Variants in RAP1GAP observed in about 807,000 individuals in gnomAD.
RAP1GAP encodes RAP1 GTPase activating protein.
In RAP1GAP, 35 loss-of-function variants were observed where a neutral mutation model predicts 87.2. The ratio of observed to expected loss-of-function variants is 0.40; its 90% CI spans 0.31 to 0.53. RAP1GAP has a LOEUF of 0.53. RAP1GAP is among the 20% of genes least tolerant of loss of function. RAP1GAP has a pLI of 0.48. For missense variants in RAP1GAP, 734 were observed against 898.9 expected (o/e 0.82, Z 2.35); for synonymous variants, 375 against 363.9 (o/e 1.03, Z -0.35).
chr1:21,618,225 G>C (rs1322411993), intron 5 of RAP1GAP, among the ~76,000 whole-genome samples: 2 of 152,190 alleles, frequency 1.3e-5, no homozygotes, highest in Non-Finnish European at 2.9e-5. Flanking sequence ...TGGAGGGCTT[G>C]CTGCACCCCA....
chr1:21,603,296 C>T lies in RAP1GAP; in HGVS notation c.1429-383G>A. 7 of 385,294 alleles carry T rather than the reference C, an allele frequency of 1.8e-5. No individual in the cohort carries two copies. In the South Asian group the frequency reaches 3.1e-4, roughly 17 times the overall value. The allele number at this position is 385,294 out of a possible 1,614,324, so 23.9% of individuals were successfully genotyped here. On this transcript the variant is annotated intron_variant, in intron 18 of 24. Coordinates refer to ENST00000374765, the MANE Select transcript of RAP1GAP (RefSeq NM_002885.4). This position sits in a 1 kb window ranked among gnomAD's most constrained non-coding sequence, Gnocchi z 6.0. ...GGCAGTGTAGCAACCCAAGTCCCAC[C>T]CCGTGCCAGCTAGGGCCCCTCCCCG...
intron 7 of RAP1GAP, among the ~76,000 whole-genome samples, chr1:21,614,692 G>C (rs1353527660): frequency 1.3e-5 from 2 of 152,194 alleles, no homozygotes; most frequent in East Asian, 3.9e-4. Context: ...GGGAGTATCA[G>C]GGGTGGCTGC....
chr1:21,611,851 T>A, intron 11 of RAP1GAP, 35 bp from the exon 12 acceptor site: 1 of 1,571,244 alleles, frequency 6.4e-7, no homozygotes. Flanking sequence ...TGAGCTGGAG[T>A]TCCTGAGAAG....
rs111706216 is a variant in RAP1GAP, at chr1:21,618,889, CT to C, written c.66+135del. 1,879 of 1,026,784 alleles carry C rather than the reference CT, an allele frequency of 1.8e-3. 16 individuals are homozygous for C. The African/African-American group carries it at 0.021, about 12-fold the overall frequency. The allele number at this position is 1,026,784 out of a possible 1,614,324, so 63.6% of individuals were successfully genotyped here. ...CCTGCTAGAAGCTGTGCCTCCCCCC[CT>C]ACCCCCGCACCTGGCACACTGTAAG... On this transcript the variant is annotated intron_variant, in intron 5 of 24. Coordinates refer to ENST00000374765, the MANE Select transcript of RAP1GAP (RefSeq NM_002885.4).
Position 21,612,017 on chromosome 1 carries a change from T to G in RAP1GAP, c.612+9A>C, listed in dbSNP as rs368876189. The G allele has an allele frequency of 5.1e-4, 789 of 1,543,340 alleles. 1 individual carries two copies. In the African/African-American group the frequency reaches 8.9e-3, roughly 17 times the overall value. On this transcript the variant is annotated intron_variant, in intron 11 of 24. Transcript: ENST00000374765. ...GTGGGGAGGGGCGGCAGGGAGGAGGTGAGCACACCTGCCCAAGCTTCTGAT... is the reference window on the plus strand; with the variant it reads ...GTGGGGAGGGGCGGCAGGGAGGAGGGGAGCACACCTGCCCAAGCTTCTGAT...
At chr1:21,605,962 G>T in intron 18 of RAP1GAP, 104 bp downstream of exon 18, 1 of 1,360,184 alleles carries the variant, frequency 7.4e-7, no homozygotes, top group Non-Finnish European at 1.0e-6. Flanking sequence ...GGGCATGTGG[G>T]CAGCAGGGCA....
At chr1:21,643,556 CAAAAAAAAA>C (rs58359978) in intron 2 of RAP1GAP, among the ~76,000 whole-genome samples, 3 of 66,484 alleles carry the variant, frequency 4.5e-5, no homozygotes, top group Non-Finnish European at 6.1e-5. Flanking sequence ...GACTCCGTCT[CAAAAAAAAA>C]AAAAAAAAAA....
At chr1:21,660,595 A>T (rs1391551411) in intron 1 of RAP1GAP, among the ~76,000 whole-genome samples, 1 of 151,870 alleles carries the variant, frequency 6.6e-6, no homozygotes, top group South Asian at 2.1e-4. Flanking sequence ...CAGCCTCCCA[A>T]AGTGCCAGGA....
At chr1:21,616,168 C>T (rs897137352) in intron 7 of RAP1GAP, among the ~76,000 whole-genome samples, 3 of 143,158 alleles carry the variant, frequency 2.1e-5, no homozygotes, top group African/African-American at 2.6e-5. Context: ...CACACACACA[C>T]ACACACACAC....
At chr1:21,650,386 G>C (rs1336510528) in intron 1 of RAP1GAP, among the ~76,000 whole-genome samples, 1 of 151,970 alleles carries the variant, frequency 6.6e-6, no homozygotes, top group Non-Finnish European at 1.5e-5. Flanking sequence ...CCCAGACTTT[G>C]TCTCCCCCAA....
chr1:21,646,449 C>A (rs1052848579), intron 2 of RAP1GAP, among the ~76,000 whole-genome samples: 3 of 152,228 alleles, frequency 2.0e-5, no homozygotes, highest in Admixed American at 2.0e-4. Context: ...AGAGCCTCCA[C>A]CACTCTCAGT....
At chr1:21,648,666 C>T (rs2096295072) in intron 2 of RAP1GAP, among the ~76,000 whole-genome samples, 1 of 152,212 alleles carries the variant, frequency 6.6e-6, no homozygotes, top group Non-Finnish European at 1.5e-5. Context: ...TGGCATCTTC[C>T]TCACCTCTGC....
At chr1:21,628,468 C>T (rs1227263956) in intron 2 of RAP1GAP, among the ~76,000 whole-genome samples, 1 of 149,960 alleles carries the variant, frequency 6.7e-6, no homozygotes, top group Admixed American at 6.6e-5. Flanking sequence ...ACCTGTAATC[C>T]CAGCACTTTG....
chr1:21,598,348 C>T, intron 22 of RAP1GAP, 52 bp downstream of exon 22: 1 of 1,510,988 alleles, frequency 6.6e-7, no homozygotes, highest in Non-Finnish European at 9.2e-7. Context: ...CCCTGTCCCC[C>T]TCCTACCCCA....
At chr1:21,626,267 C>A in intron 3 of RAP1GAP, 37 bp downstream of exon 3, 1 of 1,520,290 alleles carries the variant, frequency 6.6e-7, no homozygotes, top group Non-Finnish European at 9.1e-7. Flanking sequence ...AGGTAGGGGG[C>A]AGACCAGGGG....
At chr1:21,642,073 C>T (rs151096757) in intron 2 of RAP1GAP, among the ~76,000 whole-genome samples, 79 of 152,348 alleles carry the variant, frequency 5.2e-4, no homozygotes, top group East Asian at 3.1e-3. Flanking sequence ...AGCAAGGTGA[C>T]GGACTCCTCA....
In RAP1GAP at chr1:21,603,256, G is replaced by A; in HGVS notation, c.1429-343C>T. The A allele has an allele frequency of 2.5e-6, 1 of 400,770 alleles. No individual in the cohort carries two copies. The highest frequency in any genetic ancestry group is 4.5e-6 in the Non-Finnish European group (1 of 220,676). 24.8% of individuals were successfully genotyped at this position (400,770 alleles called of 1,614,324 possible). A position where few individuals can be genotyped will look rare whatever the true frequency, so the allele number is the denominator to read the frequency against. On this transcript the variant is annotated intron_variant, in intron 18 of 24. Transcript: ENST00000374765. This position sits in a 1 kb window ranked among gnomAD's most constrained non-coding sequence, Gnocchi z 6.0. ...GGGCTCTGTGGGATCTGCAGCCTAA[G>A]GGCAGTGGTCAGAGGGCAGTGTAGC...
At chr1:21,602,571 G>A (rs1056000484) in intron 19 of RAP1GAP, among the ~76,000 whole-genome samples, 3 of 152,210 alleles carry the variant, frequency 2.0e-5, no homozygotes, top group Non-Finnish European at 4.4e-5. Context: ...GTGTGATCTG[G>A]GCAAGCCCCT....
At chr1:21,649,390 T>G (rs1456876708) in intron 2 of RAP1GAP, among the ~76,000 whole-genome samples, 1 of 152,170 alleles carries the variant, frequency 6.6e-6, no homozygotes, top group East Asian at 1.9e-4. Context: ...AGGAAGCATT[T>G]AAGCAAAAAG....
Sources: allele counts gnomAD v4.1 joint callset (sites outside exome capture counted in the v4.1 genomes callset), GRCh38; gene constraint gnomAD v4.1.1; non-coding constraint Gnocchi (gnomAD v3.1); transcripts MANE v1.5; gene names NCBI Gene and HGNC (gene_info 2026-07-23, HGNC 2026-07-21).